KMT2C: variants seen among roughly 807,000 people sequenced by gnomAD.
The protein encoded by KMT2C is lysine methyltransferase 2C.
KMT2C carries 88 observed loss-of-function variants against 507.9 expected under a neutral mutation model. That is an observed-to-expected ratio of 0.17 (90% CI 0.15 to 0.21). The LOEUF is 0.21. Among genes scored for constraint, KMT2C ranks in the 10% least tolerant of loss-of-function variants. KMT2C has a pLI of 1.00. For missense variants in KMT2C, 4,954 were observed against 5,957.8 expected (o/e 0.83, Z 5.55); for synonymous variants, 2,049 against 2,080.8 (o/e 0.98, Z 0.42).
At chr7:152,179,698 T>C (rs2129117629) in intron 37 of KMT2C, 136 bp downstream of exon 37, 1 of 603,450 alleles carries the variant, frequency 1.7e-6, no homozygotes, top group South Asian at 1.9e-5. Flanking sequence ...TTGCCCAGGC[T>C]GGTCTCAAAC....
chr7:152,249,746 T>G (rs1244694221), intron 13 of KMT2C, 130 bp downstream of exon 13: 1 of 366,522 alleles, frequency 2.7e-6, no homozygotes, highest in Non-Finnish European at 4.9e-6. Context: ...TCAATTCTTT[T>G]CCAGAATCTC....
chr7:152,435,257 A>G (rs2097906154), intron 1 of KMT2C, among the ~76,000 whole-genome samples: 1 of 151,676 alleles, frequency 6.6e-6, no homozygotes. Flanking sequence ...CCGTCCGGGG[A>G]CTACCTGGGC....
chr7:152,384,232 G>GTC (rs1262281781), intron 1 of KMT2C, among the ~76,000 whole-genome samples: 1 of 152,130 alleles, frequency 6.6e-6, no homozygotes, highest in Non-Finnish European at 1.5e-5. Flanking sequence ...ACCTTTCAAT[G>GTC]TCTCTCCATG....
At chr7:152,339,201 T>C (rs1213439500) in intron 2 of KMT2C, among the ~76,000 whole-genome samples, 1 of 152,254 alleles carries the variant, frequency 6.6e-6, no homozygotes, top group African/African-American at 2.4e-5. Context: ...TAAAGTTTAC[T>C]CACTCAAGGG....
intron 6 of KMT2C, among the ~76,000 whole-genome samples, chr7:152,294,279 C>A (rs2096466197): frequency 6.6e-6 from 1 of 152,144 alleles, no homozygotes; most frequent in African/African-American, 2.4e-5. Context: ...ATGAAATAAT[C>A]CATTGTTAAT....
chr7:152,173,990 G>T, intron 39 of KMT2C, 141 bp downstream of exon 39: 3 of 497,958 alleles, frequency 6.0e-6, no homozygotes, highest in South Asian at 3.7e-5. Context: ...TGATCATATC[G>T]AGCTGATGCC....
rs1258600019 is a variant in KMT2C at position 152,177,007 on chromosome 7, A to G, written c.8446T>C (p.Ser2816Pro). Residue 2816 changes from serine (S) to proline (P), a missense_variant, in exon 38 of 59, where the codon TCC becomes CCC. Physicochemically the swap from Ser to Pro is moderately conservative, Grantham distance 74. Around this residue, in one of 29 missense-constraint regions of KMT2C, gnomAD observed 1,689 missense variants for 1,654.3 expected, o/e 1.02. Transcript: ENST00000262189. ...GTTTTTACCTCATTGGTAACAGTGG[A>G]TTTTTTCTGTGGTGAATGTTTATCA... is the stretch of plus-strand genomic sequence containing the variant. ...LSDKHSPQKK[S>P]TVTNEVKTEV... is the part of the protein sequence containing the mutation. 1.2e-6 allele frequency: 2 copies of G among 1,613,164 alleles called. No individual in the cohort carries two copies. Among genetic ancestry groups the G allele is most frequent in the East Asian group, 2.2e-5 (1 of 44,856 alleles).
Position 152,151,477 on chromosome 7 carries a change from G to A in KMT2C, c.12631C>T (p.Arg4211Trp), listed in dbSNP as rs367652375. The change falls in exon 50 of 59, where the codon CGG (arginine) becomes TGG (tryptophan). Residue 4211 changes from arginine to tryptophan, a missense_variant. Around this residue, in one of 29 missense-constraint regions of KMT2C, gnomAD observed 417 missense variants for 461.1 expected, o/e 0.90. Coordinates refer to ENST00000262189, the MANE Select transcript of KMT2C (RefSeq NM_170606.3). ...CKVVILGSGV[R>W]KSFKDLTLLN... is the part of the protein sequence containing the mutation. ...AGGGTCAGATCTTTGAAAGATTTCC[G>A]CACACCACTTCCAAGAATAACCACT... is the stretch of plus-strand genomic sequence containing the variant. The A allele has an allele frequency of 6.3e-5, 102 of 1,613,914 alleles. No individual in the cohort carries two copies. Among genetic ancestry groups the A allele is most frequent in the Non-Finnish European group, 7.8e-5 (92 of 1,179,952 alleles).
intron 23 of KMT2C, 121 bp from the exon 24 acceptor site, chr7:152,207,549 T>C (rs1211812197): frequency 2.5e-6 from 2 of 785,376 alleles, no homozygotes; most frequent in East Asian, 2.7e-5. Context: ...TCCCTGTTGG[T>C]AGGGAAAGTA....
At chr7:152,187,054 A>C (rs1346317362) in intron 33 of KMT2C, among the ~76,000 whole-genome samples, 2 of 152,200 alleles carry the variant, frequency 1.3e-5, no homozygotes, top group East Asian at 3.8e-4. Flanking sequence ...TCACTAATTG[A>C]AACTAATTTT....
At chr7:152,314,095 A>G (rs1022957989) in intron 4 of KMT2C, among the ~76,000 whole-genome samples, 4 of 152,148 alleles carry the variant, frequency 2.6e-5, no homozygotes, top group African/African-American at 9.6e-5. Flanking sequence ...AAAACATCAC[A>G]ACTCTCCAAA....
chr7:152,221,124 G>A, intron 22 of KMT2C, among the ~76,000 whole-genome samples: 1 of 152,124 alleles, frequency 6.6e-6, no homozygotes, highest in Non-Finnish European at 1.5e-5. Flanking sequence ...AGGCGTGGTG[G>A]CGGGCACCTG....
chr7:152,431,352 A>T (rs1171879541), intron 1 of KMT2C, among the ~76,000 whole-genome samples: 1 of 152,108 alleles, frequency 6.6e-6, no homozygotes, highest in Non-Finnish European at 1.5e-5. Context: ...TAATCCCAGC[A>T]CTTTGGGAGG....
At position 152,179,900 on chromosome 7, in the gene KMT2C, G is replaced by C. The variant is rs912212108; in HGVS notation, c.7376C>G (p.Pro2459Arg). ...AGGATAGGGTCCACGCTGATCTTTT[G>C]GGAAAACAGCATATCTAGGTCCTAA... ...PPLGPRYAVF[P>R]KDQRGPYPPD... The change falls in exon 37 of 59, where the codon CCA becomes CGA. Residue 2459 changes from proline to arginine, a missense_variant. Coordinates refer to ENST00000262189, the MANE Select transcript of KMT2C (RefSeq NM_170606.3). The C allele has an allele frequency of 6.2e-7, 1 of 1,613,954 alleles. No individual in the cohort carries two copies. Among genetic ancestry groups the C allele is most frequent in the Admixed American group, 1.7e-5 (1 of 59,990 alleles).
At chr7:152,324,244 T>C (rs1255411118) in intron 3 of KMT2C, among the ~76,000 whole-genome samples, 1 of 151,354 alleles carries the variant, frequency 6.6e-6, no homozygotes, top group Admixed American at 6.6e-5. Flanking sequence ...AACTATTAGT[T>C]TGGTGCAAAA....
At chr7:152,157,860 A>G (rs1048164903) in intron 44 of KMT2C, 3 of 1,339,486 alleles carry the variant, frequency 2.2e-6, no homozygotes, top group African/African-American at 1.5e-5. Context: ...GGCCACTGCC[A>G]TAAGGAAGAA....
In KMT2C at chr7:152,177,536, G is replaced by T. The variant is rs1314382591; in HGVS notation, c.7917C>A (p.Val2639=). 1 of 1,614,196 alleles carries T rather than the reference G, an allele frequency of 6.2e-7. No homozygotes were observed. The highest frequency in any genetic ancestry group is 1.3e-5 in the African/African-American group (1 of 75,050). ...TCCTCATGACCATAGAAGATGAATG[G>T]ACAGAATGACCTTGCTCTTGTTGAG... is the stretch of plus-strand genomic sequence containing the variant. The part of the protein sequence containing the change: ...PPSQQEQGHS[V]HSSSMVMRTL... Residue 2639 remains valine, a synonymous_variant, in exon 38 of 59, where the codon GTC becomes GTA. Transcript: ENST00000262189.
intron 6 of KMT2C, among the ~76,000 whole-genome samples, chr7:152,286,456 T>C (rs2096298597): frequency 6.6e-6 from 1 of 152,310 alleles, no homozygotes; most frequent in Admixed American, 6.5e-5. Flanking sequence ...GGAATAATGA[T>C]ACTACTGACA....
intron 1 of KMT2C, among the ~76,000 whole-genome samples, chr7:152,395,358 C>G (rs146160601): frequency 6.6e-6 from 1 of 151,506 alleles, no homozygotes; most frequent in Non-Finnish European, 1.5e-5. Flanking sequence ...TTTTCTTTCC[C>G]CCCCCCAGTT....
Sources: gnomAD v4.1 joint callset for allele counts (sites outside exome capture counted in the v4.1 genomes callset) on GRCh38, gnomAD v4.1.1 for gene constraint, gnomAD v4.1.1 regional missense constraint, MANE v1.5 for transcripts, NCBI Gene and HGNC (gene_info 2026-07-23, HGNC 2026-07-21) for gene names.